The following GNG12 variants were observed in gnomAD, a reference collection of about 807,000 sequenced individuals.
GNG12 encodes the protein guanine nucleotide-binding protein G(I)/G(S)/G(O) subunit gamma-12.
For missense variants in GNG12, 69 were observed against 83.8 expected, an observed-to-expected ratio of 0.82 and a Z score of 0.69; for synonymous variants, 28 against 29.7, an observed-to-expected ratio of 0.94 and a Z score of 0.19.
At chr1:67,806,073 A>G (rs1161645833) in intron 1 of GNG12, among the ~76,000 whole-genome samples, 1 of 152,064 alleles carries the variant, frequency 6.6e-6, no homozygotes, top group Admixed American at 6.5e-5. Context: ...AGAAATAAAA[A>G]TGTTCTCAGA....
intron 2 of GNG12, among the ~76,000 whole-genome samples, chr1:67,734,816 T>C (rs895153448): frequency 6.6e-6 from 1 of 152,112 alleles, no homozygotes; most frequent in Admixed American, 6.5e-5. Flanking sequence ...ACTAGTATGG[T>C]GTTTCTTAAA....
At position 67,703,431 on chromosome 1, in the gene GNG12, ATATT is replaced by A. The variant is rs1285054126; in HGVS notation, c.*2016_*2019del. On this transcript the variant is annotated 3_prime_UTR_variant, in exon 4 of 4. Transcript: ENST00000370982. Reference sequence around the variant, plus strand: ...TATTTTGAAAGAAGCTACATTATAAATATTTAAAGAAACGTTAAAAATCAGAGTG... The same window carrying A: ...TATTTTGAAAGAAGCTACATTATAAATAAAGAAACGTTAAAAATCAGAGTG... The A allele has an allele frequency of 6.6e-6, 1 of 152,220 alleles. No homozygotes were observed. Among genetic ancestry groups the A allele is most frequent in the African/African-American group, 2.4e-5 (1 of 41,444 alleles). The allele number at this position is 152,220 out of a possible 1,614,324, so 9.4% of individuals were successfully genotyped here. A position where few individuals can be genotyped will look rare whatever the true frequency, so the allele number is the denominator to read the frequency against.
At chr1:67,766,098 G>GCACACACACACACACA (rs1278948416) in intron 2 of GNG12, among the ~76,000 whole-genome samples, 8 of 100,888 alleles carry the variant, frequency 7.9e-5, no homozygotes, top group African/African-American at 3.6e-4. Context: ...ACAAAACAAG[G>GCACACACACACACACA]CACACACGCA....
At chr1:67,821,871 T>C (rs888377121) in intron 1 of GNG12, among the ~76,000 whole-genome samples, 2 of 151,794 alleles carry the variant, frequency 1.3e-5, no homozygotes. Flanking sequence ...TCTGTTGAAA[T>C]ACGGTGTTAT....
rs529466363 is a variant in GNG12 at position 67,761,996 on chromosome 1, G to A, written c.-27+15462C>T. Among the ~76,000 whole-genome samples the A allele has an allele frequency of 3.6e-4, 55 of 152,302 alleles. 1 individual carries two copies. Among genetic ancestry groups the A allele is most frequent in the African/African-American group, 1.3e-3 (54 of 41,560 alleles). On this transcript the variant is annotated intron_variant, in intron 2 of 3. Transcript: ENST00000370982. ...ACCTAGAGCTTCCCAGGTCTTGTAAGACTCTGGCCTCTTTGTTCAGGGCCT... is the reference window on the plus strand; with the variant it reads ...ACCTAGAGCTTCCCAGGTCTTGTAAAACTCTGGCCTCTTTGTTCAGGGCCT...
intron 1 of GNG12, among the ~76,000 whole-genome samples, chr1:67,809,138 C>G (rs1570566783): frequency 2.0e-5 from 3 of 152,132 alleles, no homozygotes; most frequent in African/African-American, 7.2e-5. Flanking sequence ...CACATAGTCA[C>G]CTGGTCTTTG....
intron 1 of GNG12, among the ~76,000 whole-genome samples, chr1:67,805,260 C>T (rs1462738775): frequency 6.6e-6 from 1 of 152,170 alleles, no homozygotes; most frequent in Admixed American, 6.5e-5. Context: ...ATCACATTTC[C>T]TTCATCTGGG....
At chr1:67,804,386 T>C (rs2100800965) in intron 1 of GNG12, among the ~76,000 whole-genome samples, 1 of 152,252 alleles carries the variant, frequency 6.6e-6, no homozygotes, top group East Asian at 1.9e-4. Flanking sequence ...TTCCAAGCAC[T>C]CAGCTGGAGA....
intron 2 of GNG12, among the ~76,000 whole-genome samples, chr1:67,745,279 T>C (rs1646501942): frequency 6.6e-6 from 1 of 152,200 alleles, no homozygotes; most frequent in African/African-American, 2.4e-5. Context: ...CAAACACTGT[T>C]GTGGGACCTG....
At chr1:67,823,493 C>T (rs1646994907) in intron 1 of GNG12, among the ~76,000 whole-genome samples, 2 of 152,194 alleles carry the variant, frequency 1.3e-5, no homozygotes, top group African/African-American at 2.4e-5. Context: ...TTAGGAGATT[C>T]TGACAGAGAT....
chr1:67,785,763 T>TC, intron 1 of GNG12, among the ~76,000 whole-genome samples: 3 of 152,362 alleles, frequency 2.0e-5, no homozygotes, highest in Middle Eastern at 6.8e-3. Context: ...TCTAATGCAT[T>TC]CTTAGGCTGG....
chr1:67,768,290 G>A (rs988195831), intron 2 of GNG12, among the ~76,000 whole-genome samples: 2 of 152,212 alleles, frequency 1.3e-5, no homozygotes, highest in Non-Finnish European at 2.9e-5. Flanking sequence ...AAGGTATTTT[G>A]TATAGATTTG....
At chr1:67,768,663 G>C (rs1042060166) in intron 2 of GNG12, among the ~76,000 whole-genome samples, 3 of 152,188 alleles carry the variant, frequency 2.0e-5, no homozygotes, top group African/African-American at 7.2e-5. Flanking sequence ...ATGATATGAT[G>C]CCCATTTAAC....
chr1:67,805,346 C>T (rs1408900406), intron 1 of GNG12, among the ~76,000 whole-genome samples: 5 of 152,196 alleles, frequency 3.3e-5, no homozygotes, highest in African/African-American at 1.2e-4. Flanking sequence ...AAACAAGCAT[C>T]AGAACCAGAA....
At position 67,744,008 on chromosome 1, in the gene GNG12, C is replaced by T. The variant is rs11804047; in HGVS notation, c.-27+33450G>A. On this transcript the variant is annotated intron_variant, in intron 2 of 3. Transcript: ENST00000370982. ...TTGAGTGAGTTTTTGTGTGTGTGTGCGTGGGGAAGAGAATCCTCAAAGGGC... is the reference window on the plus strand; with the variant it reads ...TTGAGTGAGTTTTTGTGTGTGTGTGTGTGGGGAAGAGAATCCTCAAAGGGC... Among the ~76,000 whole-genome samples, 121 of 152,064 alleles carry T rather than the reference C, an allele frequency of 8.0e-4. 1 individual carries two copies. Among genetic ancestry groups the T allele is most frequent in the African/African-American group, 2.8e-3 (116 of 41,484 alleles).
At chr1:67,787,848 T>G (rs1285782945) in intron 1 of GNG12, among the ~76,000 whole-genome samples, 1 of 152,220 alleles carries the variant, frequency 6.6e-6, no homozygotes, top group Non-Finnish European at 1.5e-5. Flanking sequence ...TGATCCAGCT[T>G]CTGACTAGGA....
In GNG12 at chr1:67,709,878, TTATA is replaced by T. The variant is rs1165700891; in HGVS notation, c.-26-2170_-26-2167del. Among the ~76,000 whole-genome samples, 28 of 119,712 alleles carry T rather than the reference TTATA, an allele frequency of 2.3e-4. No homozygotes were observed. In the South Asian group the frequency reaches 6.7e-3, roughly 29 times the overall value. 78.5% of individuals were successfully genotyped at this position (119,712 alleles called of 152,430 possible). On this transcript the variant is annotated intron_variant, in intron 2 of 3. Coordinates refer to ENST00000370982, the MANE Select transcript of GNG12 (RefSeq NM_018841.6). ...TATATATATATAGTTATATATATAT[TTATA>T]TATATAGTTATATATATATTTTTAT...
chr1:67,731,012 C>A (rs1011545945), intron 2 of GNG12, among the ~76,000 whole-genome samples: 3 of 152,100 alleles, frequency 2.0e-5, no homozygotes, highest in Non-Finnish European at 4.4e-5. Context: ...TTCAAAGGGG[C>A]CCCGCAAACC....
intron 2 of GNG12, among the ~76,000 whole-genome samples, chr1:67,743,243 T>C (rs1305573127): frequency 6.6e-6 from 1 of 152,154 alleles, no homozygotes; most frequent in Non-Finnish European, 1.5e-5. Flanking sequence ...GTTTTAGGAA[T>C]TTGAATCTTG....
Sources: allele counts gnomAD v4.1 joint callset (sites outside exome capture counted in the v4.1 genomes callset), GRCh38; gene constraint gnomAD v4.1.1; transcripts MANE v1.5; gene names NCBI Gene and HGNC (gene_info 2026-07-23, HGNC 2026-07-21).